Variants in NFKBID observed in about 807,000 individuals in gnomAD.
The protein encoded by NFKBID is NFKB inhibitor delta.
NFKBID carries 26 observed loss-of-function variants against 53.4 expected under a neutral mutation model. The observed-to-expected ratio is 0.49, with a 90% CI of 0.36 to 0.68. The LOEUF (loss-of-function observed/expected upper bound fraction) is 0.68, where lower values mean the gene tolerates loss of function less well. Ranked by LOEUF, NFKBID falls within the 30% of genes least tolerant of loss-of-function variation. The pLI is 0.00. For missense variants in NFKBID, 493 were observed against 614.1 expected (o/e 0.80, Z 2.08); for synonymous variants, 262 against 259.8 (o/e 1.01, Z -0.08).
At position 35,896,197 on chromosome 19, in the gene NFKBID, C is replaced by T; in HGVS notation, c.883+21G>A. ...CGCCCAGCCACACCAACCACACCAG[C>T]CCTGCCCACACCCAACTTACCCTCG... On this transcript the variant is annotated intron_variant, in intron 8 of 11. Transcript: ENST00000641389. This position sits in a 1 kb window ranked among gnomAD's most constrained non-coding sequence, Gnocchi z 5.7. 6.2e-7 allele frequency: 1 copy of T among 1,614,162 alleles called. No homozygotes were observed. Among genetic ancestry groups the T allele is most frequent in the South Asian group, 1.1e-5 (1 of 91,086 alleles).
At chr19:35,901,885 C>A (rs1165027973), upstream of NFKBID, 3 of 419,140 alleles carry the variant, frequency 7.2e-6, no homozygotes, top group Non-Finnish European at 1.3e-5. Context: ...AGATGCCATG[C>A]TCTCAGGGGT....
upstream of NFKBID, chr19:35,900,696 A>T (rs1428648048): frequency 8.4e-7 from 1 of 1,189,302 alleles, no homozygotes; most frequent in Non-Finnish European, 1.1e-6. Context: ...CGGACTACTC[A>T]GTCCCCCCGG....
rs575018690 is a variant in NFKBID, at chr19:35,898,350, G to GAAA, written c.226+119_226+121dup. The GAAA allele has an allele frequency of 1.3e-3, 794 of 606,992 alleles. No homozygotes were observed. The East Asian group carries it at 0.018, about 14-fold the overall frequency. The allele number at this position is 606,992 out of a possible 1,614,324, so 37.6% of individuals were successfully genotyped here. ...GGCAACAGAGTGAGATCCTGTCTCA[G>GAAA]AAAAAAAAAAAAAAGGGAAGAATGA... On this transcript the variant is annotated intron_variant, in intron 3 of 11. Coordinates refer to ENST00000641389, the Ensembl canonical transcript of NFKBID.
At position 35,898,629 on chromosome 19, in the gene NFKBID, C is replaced by A. The variant is rs1975359225; in HGVS notation, c.165+90G>T. On this transcript the variant is annotated intron_variant, in intron 2 of 11. Coordinates refer to ENST00000641389, the Ensembl canonical transcript of NFKBID. ...TATAAGACATTTCGGTCAGGACCAC[C>A]CCTCTCATCAGCCCCGAGGGCCCGG... 11 of 1,407,376 alleles carry A rather than the reference C, an allele frequency of 7.8e-6. No homozygotes were observed. In the Admixed American group the frequency reaches 2.4e-4, roughly 31 times the overall value. 87.2% of individuals were successfully genotyped at this position (1,407,376 alleles called of 1,614,324 possible). A position where few individuals can be genotyped will look rare whatever the true frequency, so the allele number is the denominator to read the frequency against.
Position 35,890,371 on chromosome 19 carries a change from C to T in NFKBID, c.1149+3G>A. ...ATCTGCACTTCCCAGCCCCAGCTCCCACCTTCATGTTGACAAAGGTCCGCA... is the reference window on the plus strand; with the variant it reads ...ATCTGCACTTCCCAGCCCCAGCTCCTACCTTCATGTTGACAAAGGTCCGCA... On this transcript the variant is annotated splice_donor_region_variant and intron_variant, in intron 10 of 11. Coordinates refer to ENST00000641389, the Ensembl canonical transcript of NFKBID. 6.2e-7 allele frequency: 1 copy of T among 1,602,256 alleles called. No homozygotes were observed.
At chr19:35,891,455 TTAATGAAAA>T (rs1974754390) in intron 9 of NFKBID, among the ~76,000 whole-genome samples, 1 of 152,156 alleles carries the variant, frequency 6.6e-6, no homozygotes, top group Non-Finnish European at 1.5e-5. Context: ...TTGATTTTTT[TTAATGAAAA>T]AAATTATCAT....
rs145760868 is a variant in NFKBID at position 35,895,357 on chromosome 19, G to A, written c.1032+623C>T. On this transcript the variant is annotated intron_variant, in intron 9 of 11. Coordinates refer to ENST00000641389, the Ensembl canonical transcript of NFKBID. ...AAAAAAAATAGCCAGGCATGGTGGC[G>A]TGCGCCTATAGTCCCAGCTACTCAG... Among the ~76,000 whole-genome samples the A allele has an allele frequency of 3.3e-5, 5 of 151,130 alleles. No homozygotes were observed. The East Asian group carries it at 7.8e-4, about 24-fold the overall frequency.
rs77150970 is a variant in NFKBID at position 35,895,501 on chromosome 19, C to A, written c.1032+479G>T. Among the ~76,000 whole-genome samples, 1,125 of 140,634 alleles carry A rather than the reference C, an allele frequency of 8.0e-3. 10 individuals carry two copies. Among genetic ancestry groups the A allele is most frequent in the East Asian group, 0.033 (166 of 5,012 alleles). 92.3% of individuals were successfully genotyped at this position (140,634 alleles called of 152,430 possible). On this transcript the variant is annotated intron_variant, in intron 9 of 11. Coordinates refer to ENST00000641389, the Ensembl canonical transcript of NFKBID. ...AGACCCTGTCTCAAAAACAAAAAAA[C>A]AAACAAACAAAAAAACCCTGCTGGG...
At chr19:35,898,310 G>A (rs1200712124) in intron 3 of NFKBID, among the ~76,000 whole-genome samples, 162 bp downstream of exon 3, 5 of 151,234 alleles carry the variant, frequency 3.3e-5, no homozygotes, top group Non-Finnish European at 7.4e-5. Flanking sequence ...TAGCGCCACT[G>A]CACTCCAGTG....
At chr19:35,900,682 G>A, upstream of NFKBID, 1 of 1,214,410 alleles carries the variant, frequency 8.2e-7, no homozygotes. Flanking sequence ...GCGGACTTGG[G>A]AGGCGGACTA....
Position 35,896,970 on chromosome 19 carries a change from G to A in NFKBID, c.521C>T (p.Ala174Val). ...CTGTGGCCCCAAAGCCAGCATGTGA[G>A]CTCGGGCCACCTCCAGCGATGGTCC... is the stretch of plus-strand genomic sequence containing the variant. Residue 174 changes from alanine to valine, a missense_variant, in exon 5 of 12, where the codon GCT (alanine) becomes GTT (valine). Around this residue, in one of 2 missense-constraint regions of NFKBID, gnomAD observed 226 missense variants for 229.5 expected, o/e 0.98. Transcript: ENST00000641389. The surrounding 1 kb of genome is among the most constrained non-coding windows in gnomAD (Gnocchi z 5.7). 3.1e-6 allele frequency: 5 copies of A among 1,608,944 alleles called. No individual in the cohort carries two copies. The highest frequency in any genetic ancestry group is 4.2e-6 in the Non-Finnish European group (5 of 1,177,744).
chr19:35,896,065 C>G lies in NFKBID; in HGVS notation c.947G>C (p.Cys316Ser). The change falls in exon 9 of 12, where the codon TGT becomes TCT. Residue 316 changes from cysteine (C) to serine (S), a missense_variant. Coordinates refer to ENST00000641389, the Ensembl canonical transcript of NFKBID. This position sits in a 1 kb window ranked among gnomAD's most constrained non-coding sequence, Gnocchi z 5.7. ...GGCCTGTGTGCTCAGCACCCGGGGA[C>G]AGAGGTCGGAAGGGCGCATAGCAAC... 1 of 1,614,202 alleles carries G rather than the reference C, an allele frequency of 6.2e-7. No individual in the cohort carries two copies. Among genetic ancestry groups the G allele is most frequent in the East Asian group, 2.2e-5 (1 of 44,886 alleles).
chr19:35,896,550 A>G lies in NFKBID; in HGVS notation c.685-12T>C, dbSNP rs778293822. The G allele has an allele frequency of 6.2e-7, 1 of 1,613,486 alleles. No individual in the cohort carries two copies. The highest frequency in any genetic ancestry group is 1.1e-5 in the South Asian group (1 of 91,060). ...ACCAGGAGAGGGGTCTGCAGGCCAC[A>G]GGAGAAGTCAGGTTGGGCTCCTGGT... On this transcript the variant is annotated splice_polypyrimidine_tract_variant and intron_variant, in intron 6 of 11. Coordinates refer to ENST00000641389, the Ensembl canonical transcript of NFKBID. This position sits in a 1 kb window ranked among gnomAD's most constrained non-coding sequence, Gnocchi z 5.7.
At chr19:35,892,700 G>T (rs935569278) in intron 9 of NFKBID, among the ~76,000 whole-genome samples, 3 of 151,912 alleles carry the variant, frequency 2.0e-5, no homozygotes, top group Admixed American at 2.0e-4. Context: ...TGTGAGCCCC[G>T]CATCCAATAT....
At chr19:35,895,703 C>G (rs1265064632) in intron 9 of NFKBID, among the ~76,000 whole-genome samples, 1 of 152,142 alleles carries the variant, frequency 6.6e-6, no homozygotes, top group African/African-American at 2.4e-5. Flanking sequence ...ACTCAGGAGG[C>G]TGAGGCAGGA....
chr19:35,897,406 C>T, intron 4 of NFKBID: 1 of 579,994 alleles, frequency 1.7e-6, no homozygotes, highest in South Asian at 2.2e-5. Context: ...AGGCGTGCGC[C>T]ACTACACCCA....
At chr19:35,898,946 A>G (rs1975385017) in intron 1 of NFKBID, 124 bp from the exon 2 acceptor site, 4 of 658,938 alleles carry the variant, frequency 6.1e-6, no homozygotes, top group Admixed American at 2.6e-5. Flanking sequence ...AAACTGGCAC[A>G]TAGATGCCGC....
intron 4 of NFKBID, 38 bp from the exon 5 acceptor site, chr19:35,897,096 G>T: frequency 6.3e-7 from 1 of 1,581,000 alleles, no homozygotes; most frequent in Non-Finnish European, 8.5e-7. Flanking sequence ...CTGGGTGTCT[G>T]GGGGGTCCTG....
At chr19:35,894,999 GA>G (rs774286963) in intron 9 of NFKBID, among the ~76,000 whole-genome samples, 100 of 138,996 alleles carry the variant, frequency 7.2e-4, no homozygotes, top group Admixed American at 2.4e-3. Flanking sequence ...ATCTCAAAAA[GA>G]AAAAAAAAAA....
Sources: gnomAD v4.1 joint callset for allele counts (sites outside exome capture counted in the v4.1 genomes callset) on GRCh38, gnomAD v4.1.1 for gene constraint, gnomAD v4.1.1 regional missense constraint, Gnocchi (gnomAD v3.1) non-coding constraint, MANE v1.5 for transcripts, NCBI Gene and HGNC (gene_info 2026-07-23, HGNC 2026-07-21) for gene names.